The following CNTNAP5 variants were observed in gnomAD, a reference collection of about 807,000 sequenced individuals.
CNTNAP5 encodes contactin associated protein family member 5.
In CNTNAP5, 72 loss-of-function variants were observed where a neutral mutation model predicts 150.2. That is an observed-to-expected ratio of 0.48 (90% CI 0.40 to 0.58). The LOEUF is 0.58. Ranked by LOEUF, CNTNAP5 falls within the 20% of genes least tolerant of loss-of-function variation. The pLI, the probability that CNTNAP5 is intolerant of heterozygous loss-of-function variation, is 0.00. For synonymous variants in CNTNAP5, 672 were observed against 619.8 expected, an observed-to-expected ratio of 1.08 and a Z score of -1.25; for missense variants, 1,636 against 1,626.2, an observed-to-expected ratio of 1.01 and a Z score of -0.10.
intron 1 of CNTNAP5, among the ~76,000 whole-genome samples, chr2:124,077,401 C>A (rs1482847333): frequency 6.6e-6 from 1 of 152,142 alleles, no homozygotes; most frequent in African/African-American, 2.4e-5. Context: ...AGATAACTCC[C>A]AAATTCAAAG....
intron 19 of CNTNAP5, among the ~76,000 whole-genome samples, chr2:124,837,599 T>C (rs1048588292): frequency 6.6e-6 from 1 of 152,162 alleles, no homozygotes; most frequent in Non-Finnish European, 1.5e-5. Context: ...ATTTGGGTCA[T>C]TTTTTGCTTG....
intron 21 of CNTNAP5, among the ~76,000 whole-genome samples, chr2:124,891,502 C>A (rs765340494): frequency 2.1e-4 from 32 of 152,074 alleles, no homozygotes; most frequent in Non-Finnish European, 3.4e-4. Flanking sequence ...CTACAATATG[C>A]AGGCACTATA....
At chr2:124,879,075 C>T (rs1677916577) in intron 21 of CNTNAP5, among the ~76,000 whole-genome samples, 1 of 152,100 alleles carries the variant, frequency 6.6e-6, no homozygotes, top group Non-Finnish European at 1.5e-5. Context: ...AGTCAAGCTG[C>T]CTCTGATGGG....
intron 1 of CNTNAP5, among the ~76,000 whole-genome samples, chr2:124,203,054 C>T (rs1360181934): frequency 6.6e-6 from 1 of 152,148 alleles, no homozygotes; most frequent in African/African-American, 2.4e-5. Context: ...AAGGCAAGTC[C>T]CTTTTGCCTA....
intron 19 of CNTNAP5, among the ~76,000 whole-genome samples, chr2:124,837,626 G>A (rs1682857825): frequency 6.6e-6 from 1 of 152,098 alleles, no homozygotes; most frequent in Non-Finnish European, 1.5e-5. Flanking sequence ...GAACTCAACA[G>A]CAATTAAATT....
At chr2:124,857,419 A>G (rs1028257998) in intron 19 of CNTNAP5, among the ~76,000 whole-genome samples, 1 of 152,128 alleles carries the variant, frequency 6.6e-6, no homozygotes, top group Non-Finnish European at 1.5e-5. Context: ...ACAGCCTCAG[A>G]TGCAGGTGAG....
intron 3 of CNTNAP5, among the ~76,000 whole-genome samples, chr2:124,315,424 C>G (rs986823061): frequency 6.6e-6 from 1 of 152,060 alleles, no homozygotes; most frequent in Non-Finnish European, 1.5e-5. Context: ...CTCAAGGGTT[C>G]CAAGGAGGTG....
rs556877111 is a variant in CNTNAP5 at position 124,589,720 on chromosome 2, T to C, written c.1757-20081T>C. On this transcript the variant is annotated intron_variant, in intron 11 of 23. Coordinates refer to ENST00000682447, the MANE Select transcript of CNTNAP5 (RefSeq NM_001367498.1). The stretch of plus-strand genomic sequence containing the variant: ...AGGAAATTGATGTCGGTATACTATA[T>C]GGAGCTTACTCAGATTGTATCCTTT... 2.0e-5 allele frequency among the ~76,000 whole-genome samples: 3 copies of C among 152,360 alleles called. No homozygotes were observed. The East Asian group carries it at 5.8e-4, about 29-fold the overall frequency.
chr2:124,129,520 T>A (rs982643056), intron 1 of CNTNAP5, among the ~76,000 whole-genome samples: 21 of 151,624 alleles, frequency 1.4e-4, no homozygotes, highest in African/African-American at 3.9e-4. Context: ...GGGAATAATT[T>A]AAAAAAAAAC....
At position 124,772,756 on chromosome 2, in the gene CNTNAP5, T is replaced by A. The variant is rs551379691; in HGVS notation, c.2534-43T>A. 39 of 1,517,580 alleles carry A rather than the reference T, an allele frequency of 2.6e-5. No individual in the cohort carries two copies. The South Asian group carries it at 3.8e-4, about 15-fold the overall frequency. 94.0% of individuals were successfully genotyped at this position (1,517,580 alleles called of 1,614,324 possible). ...ACTCAAGCCTGTGCCTTGAATGAGCTAACAACTCCCTCTATCCTTCCTGTT... is the reference window on the plus strand; with the variant it reads ...ACTCAAGCCTGTGCCTTGAATGAGCAAACAACTCCCTCTATCCTTCCTGTT... On this transcript the variant is annotated intron_variant, in intron 16 of 23. Coordinates refer to ENST00000682447, the MANE Select transcript of CNTNAP5 (RefSeq NM_001367498.1).
At chr2:124,056,284 C>G (rs1681844136) in intron 1 of CNTNAP5, among the ~76,000 whole-genome samples, 1 of 152,114 alleles carries the variant, frequency 6.6e-6, no homozygotes, top group South Asian at 2.1e-4. Context: ...GCCATGTGAA[C>G]TTGGGCAATT....
chr2:124,785,859 G>C (rs1366369940), intron 17 of CNTNAP5, among the ~76,000 whole-genome samples: 8 of 152,156 alleles, frequency 5.3e-5, no homozygotes, highest in African/African-American at 1.9e-4. Context: ...GAAAGGAAGA[G>C]CAGGGGCTGA....
rs368913883 is a variant in CNTNAP5 at position 124,909,826 on chromosome 2, CATATATATATATATATATATAT to C, written c.3656-1630_3656-1609del. On this transcript the variant is annotated intron_variant, in intron 22 of 23. Transcript: ENST00000682447. ...TCACCCCATCGTTATCAATTGGTGACATATATATATATATATATATATATATATATATGTTCTTCTCCATGTA... is the reference window on the plus strand; with the variant it reads ...TCACCCCATCGTTATCAATTGGTGACATATATATATGTTCTTCTCCATGTA... 4.0e-5 allele frequency among the ~76,000 whole-genome samples: 3 copies of C among 74,612 alleles called. 1 individual carries two copies. Among genetic ancestry groups the C allele is most frequent in the Admixed American group, 3.2e-4 (2 of 6,320 alleles). 48.9% of individuals were successfully genotyped at this position (74,612 alleles called of 152,430 possible). A position where few individuals can be genotyped will look rare whatever the true frequency, so the allele number is the denominator to read the frequency against.
intron 3 of CNTNAP5, among the ~76,000 whole-genome samples, chr2:124,393,661 A>G (rs919310819): frequency 3.9e-5 from 6 of 152,194 alleles, no homozygotes; most frequent in Non-Finnish European, 8.8e-5. Context: ...GCTTTAGACC[A>G]GATCTCCTGC....
At chr2:124,707,125 A>AG (rs1558743680) in intron 13 of CNTNAP5, among the ~76,000 whole-genome samples, 916 of 91,426 alleles carry the variant, frequency 0.01, 66 homozygotes, top group African/African-American at 0.038. Flanking sequence ...AGAAGAAGAA[A>AG]GAAGAAGAAG....
chr2:124,053,431 G>A (rs1681760805), intron 1 of CNTNAP5, among the ~76,000 whole-genome samples: 1 of 152,140 alleles, frequency 6.6e-6, no homozygotes, highest in African/African-American at 2.4e-5. Flanking sequence ...CAACCACGAG[G>A]ACAAAGGTTT....
chr2:124,218,636 T>C (rs969795023), intron 1 of CNTNAP5, among the ~76,000 whole-genome samples: 37 of 152,074 alleles, frequency 2.4e-4, no homozygotes, highest in African/African-American at 8.5e-4. Flanking sequence ...GAAACTGAGA[T>C]ACAAGGCAGA....
At chr2:124,506,460 G>A (rs1694409852) in intron 8 of CNTNAP5, among the ~76,000 whole-genome samples, 1 of 152,078 alleles carries the variant, frequency 6.6e-6, no homozygotes, top group East Asian at 1.9e-4. Context: ...CACTCACATA[G>A]TTCAGACTGC....
At chr2:124,357,264 C>T (rs1690038596) in intron 3 of CNTNAP5, among the ~76,000 whole-genome samples, 3 of 152,166 alleles carry the variant, frequency 2.0e-5, no homozygotes, top group Admixed American at 6.5e-5. Flanking sequence ...GTTGCCTGTT[C>T]ACTCTGATGG....
Sources: gnomAD v4.1 joint callset for allele counts (sites outside exome capture counted in the v4.1 genomes callset) on GRCh38, gnomAD v4.1.1 for gene constraint, MANE v1.5 for transcripts, NCBI Gene and HGNC (gene_info 2026-07-23, HGNC 2026-07-21) for gene names.